TXNDC16: variants seen among roughly 807,000 people sequenced by gnomAD.
TXNDC16 encodes thioredoxin domain-containing protein 16.
A neutral mutation model predicts 85.6 loss-of-function variants in TXNDC16; 74 were observed. The ratio of observed to expected loss-of-function variants is 0.86; its 90% CI spans 0.72 to 1.05. TXNDC16 has a LOEUF of 1.05. TXNDC16 is among the 50% of genes least tolerant of loss of function. TXNDC16 has a pLI of 0.00. For missense variants in TXNDC16, 959 were observed against 947.0 expected (o/e 1.01, Z -0.17); for synonymous variants, 335 against 326.5 (o/e 1.03, Z -0.28).
chr14:52,505,142 G>C (rs1272200928), intron 9 of TXNDC16, among the ~76,000 whole-genome samples: 1 of 152,136 alleles, frequency 6.6e-6, no homozygotes, highest in Non-Finnish European at 1.5e-5. Context: ...ACACCCCACT[G>C]TCAACATTAG....
rs560707441 is a variant in TXNDC16 at position 52,507,899 on chromosome 14, T to C, written c.756+3341A>G. ...GAAACTGGATCCCTTCCTTATACCTTATACAAAAATTAATTCAAGATGGAT... is the reference window on the plus strand; with the variant it reads ...GAAACTGGATCCCTTCCTTATACCTCATACAAAAATTAATTCAAGATGGAT... On this transcript the variant is annotated intron_variant, in intron 9 of 20. Transcript: ENST00000281741. Among the ~76,000 whole-genome samples the C allele has an allele frequency of 6.1e-3, 927 of 152,288 alleles. 8 individuals are homozygous for C. The highest frequency in any genetic ancestry group is 0.027 in the Middle Eastern group (8 of 294).
intron 7 of TXNDC16, among the ~76,000 whole-genome samples, chr14:52,515,931 C>CAT (rs2037073197): frequency 6.6e-6 from 1 of 152,016 alleles, no homozygotes; most frequent in Non-Finnish European, 1.5e-5. Flanking sequence ...ACAGAATGGC[C>CAT]ACTTTCCCTT....
intron 9 of TXNDC16, among the ~76,000 whole-genome samples, chr14:52,492,149 T>C (rs952001759): frequency 5.3e-5 from 8 of 152,166 alleles, no homozygotes; most frequent in African/African-American, 1.2e-4. Context: ...CTAGGAACAG[T>C]TGACAGTGTG....
intron 9 of TXNDC16, among the ~76,000 whole-genome samples, chr14:52,500,929 A>C (rs910225246): frequency 1.5e-4 from 23 of 152,220 alleles, no homozygotes; most frequent in African/African-American, 5.5e-4. Context: ...GATTCAGATA[A>C]AAGCTTTCCT....
At chr14:52,484,398 A>G (rs923710740) in intron 12 of TXNDC16, among the ~76,000 whole-genome samples, 1 of 152,258 alleles carries the variant, frequency 6.6e-6, no homozygotes, top group Admixed American at 6.5e-5. Context: ...TTTCTAATAC[A>G]GTCACGTACC....
At chr14:52,546,477 C>T (rs577104611) in intron 1 of TXNDC16, among the ~76,000 whole-genome samples, 4 of 152,254 alleles carry the variant, frequency 2.6e-5, no homozygotes, top group African/African-American at 9.6e-5. Context: ...GAGTTAGTTA[C>T]GACCACCAGA....
At chr14:52,529,726 T>A (rs866702216) in intron 6 of TXNDC16, among the ~76,000 whole-genome samples, 30 of 116,414 alleles carry the variant, frequency 2.6e-4, no homozygotes, top group East Asian at 4.8e-4. Flanking sequence ...ATTATATATA[T>A]TATATATAAT....
At chr14:52,453,394 AT>A (rs945024411) in intron 18 of TXNDC16, among the ~76,000 whole-genome samples, 2 of 152,230 alleles carry the variant, frequency 1.3e-5, no homozygotes, top group African/African-American at 2.4e-5. Flanking sequence ...TTGTAGCACT[AT>A]TCATAACAGC....
At chr14:52,499,958 T>C (rs34461601) in intron 9 of TXNDC16, among the ~76,000 whole-genome samples, 4 of 152,204 alleles carry the variant, frequency 2.6e-5, no homozygotes, top group Non-Finnish European at 5.9e-5. Flanking sequence ...ATTTTTATTG[T>C]TATATTTTTA....
At chr14:52,502,370 T>C (rs537047120) in intron 9 of TXNDC16, among the ~76,000 whole-genome samples, 37 of 152,336 alleles carry the variant, frequency 2.4e-4, no homozygotes, top group African/African-American at 8.9e-4. Flanking sequence ...GAACAGTGGT[T>C]AGAGCAGGGT....
At chr14:52,503,909 C>T (rs1017303106) in intron 9 of TXNDC16, among the ~76,000 whole-genome samples, 7 of 152,068 alleles carry the variant, frequency 4.6e-5, no homozygotes, top group Non-Finnish European at 8.8e-5. Flanking sequence ...AACTATGGCA[C>T]GAGAACTACG....
chr14:52,494,912 T>C (rs188151200), intron 9 of TXNDC16, among the ~76,000 whole-genome samples: 2 of 152,314 alleles, frequency 1.3e-5, no homozygotes, highest in Non-Finnish European at 1.5e-5. Flanking sequence ...TGAAGGACAA[T>C]ACCTTAATGT....
chr14:52,546,271 C>T (rs12436846), intron 1 of TXNDC16, among the ~76,000 whole-genome samples: 78,004 of 151,896 alleles, frequency 0.51, 21,027 homozygotes, highest in East Asian at 0.71. Flanking sequence ...GAAGACCCTG[C>T]CTAAAAACAA....
Position 52,432,268 on chromosome 14 carries a change from T to A in TXNDC16, c.*36A>T. On this transcript the variant is annotated 3_prime_UTR_variant, in exon 21 of 21. Transcript: ENST00000281741. ...TTAAGGAAATAAATTAAGTCTATCA[T>A]GCCAAAAAAATTTTGGAAACCACAG... The A allele has an allele frequency of 6.5e-7, 1 of 1,544,030 alleles. No homozygotes were observed. Among genetic ancestry groups the A allele is most frequent in the Non-Finnish European group, 8.7e-7 (1 of 1,150,500 alleles).
At chr14:52,446,944 C>T (rs1331565506) in intron 18 of TXNDC16, among the ~76,000 whole-genome samples, 1 of 149,774 alleles carries the variant, frequency 6.7e-6, no homozygotes, top group African/African-American at 2.5e-5. Flanking sequence ...GACTCCGAGA[C>T]TTGCTGACTT....
intron 16 of TXNDC16, among the ~76,000 whole-genome samples, chr14:52,464,259 G>A (rs1428609659): frequency 6.6e-6 from 1 of 152,168 alleles, no homozygotes; most frequent in African/African-American, 2.4e-5. Context: ...TATTACATAT[G>A]ACGATAGACG....
intron 6 of TXNDC16, among the ~76,000 whole-genome samples, chr14:52,529,952 TTACATATTATAA>T (rs1260635539): frequency 1.1e-5 from 1 of 92,134 alleles, no homozygotes; most frequent in Non-Finnish European, 1.9e-5. Flanking sequence ...GAATTATATA[TTACATATTATAA>T]TACATATAAC....
intron 19 of TXNDC16, 29 bp from the exon 20 acceptor site, chr14:52,439,423 A>G (rs2035114951): frequency 6.4e-7 from 1 of 1,566,868 alleles, no homozygotes; most frequent in Non-Finnish European, 8.7e-7. Context: ...GAACATATTA[A>G]TATTTCTTTC....
chr14:52,535,370 T>C (rs780365819), intron 6 of TXNDC16, among the ~76,000 whole-genome samples: 1 of 152,142 alleles, frequency 6.6e-6, no homozygotes, highest in African/African-American at 2.4e-5. Context: ...CCCATGGTTG[T>C]CAGGAATTTC....
Sources: gnomAD v4.1 joint callset for allele counts (sites outside exome capture counted in the v4.1 genomes callset) on GRCh38, gnomAD v4.1.1 for gene constraint, MANE v1.5 for transcripts, NCBI Gene and HGNC (gene_info 2026-07-23, HGNC 2026-07-21) for gene names.